RBFOX1: variants seen among roughly 807,000 people sequenced by gnomAD.
The protein encoded by RBFOX1 is RNA binding protein fox-1 homolog 1.
A neutral mutation model predicts 57.7 loss-of-function variants in RBFOX1; 8 were observed. That is an observed-to-expected ratio of 0.14 (90% CI 0.08 to 0.25). RBFOX1 has a LOEUF of 0.25. Among genes scored for constraint, RBFOX1 ranks in the 10% least tolerant of loss-of-function variants. The pLI is 1.00. For synonymous variants in RBFOX1, 326 were observed against 222.4 expected, an observed-to-expected ratio of 1.47 and a Z score of -4.15; for missense variants, 611 against 548.5, an observed-to-expected ratio of 1.11 and a Z score of -1.14.
intron 1 of RBFOX1, among the ~76,000 whole-genome samples, chr16:6,220,252 A>C: frequency 6.6e-6 from 1 of 152,178 alleles, no homozygotes; most frequent in East Asian, 1.9e-4. Flanking sequence ...TCTCCATACA[A>C]ACAGACACAC....
chr16:6,138,541 A>G (rs977189687), intron 1 of RBFOX1, among the ~76,000 whole-genome samples: 1 of 152,136 alleles, frequency 6.6e-6, no homozygotes, highest in Non-Finnish European at 1.5e-5. Context: ...GACCAGGGCA[A>G]ATCTGCTGGG....
chr16:7,201,597 G>A (rs935167634), intron 4 of RBFOX1, among the ~76,000 whole-genome samples: 2 of 151,992 alleles, frequency 1.3e-5, no homozygotes, highest in Non-Finnish European at 2.9e-5. Context: ...CAAGTGGCTG[G>A]GATTACAGGT....
intron 4 of RBFOX1, among the ~76,000 whole-genome samples, chr16:5,973,969 T>C (rs1203974870): frequency 6.6e-6 from 1 of 152,228 alleles, no homozygotes; most frequent in African/African-American, 2.4e-5. Context: ...ACCTGCTGAC[T>C]GTGAAGCCTT....
At chr16:6,145,752 A>C (rs1369762225) in intron 1 of RBFOX1, among the ~76,000 whole-genome samples, 1 of 152,230 alleles carries the variant, frequency 6.6e-6, no homozygotes, top group East Asian at 1.9e-4. Context: ...AAAAGCCAGT[A>C]GTATATTTAA....
chr16:7,157,669 C>G lies in RBFOX1; in HGVS notation c.27+105571C>G, dbSNP rs57219229. On this transcript the variant is annotated intron_variant, in intron 4 of 15. Transcript: ENST00000550418. ...TAAGGTGGTGGAAATGACAGTATCT[C>G]TACACGCCATAGCCACTCTACATGC... Among the ~76,000 whole-genome samples, 1,402 of 152,246 alleles carry G rather than the reference C, an allele frequency of 9.2e-3. 36 individuals are homozygous for G. The highest frequency in any genetic ancestry group is 0.031 in the African/African-American group (1,298 of 41,548).
At chr16:7,650,536 T>A (rs1353409612) in intron 11 of RBFOX1, among the ~76,000 whole-genome samples, 2 of 151,984 alleles carry the variant, frequency 1.3e-5, no homozygotes, top group Non-Finnish European at 2.9e-5. Context: ...AATGGAATCC[T>A]GGCTCCACGC....
chr16:5,676,606 A>T (rs147546069), intron 3 of RBFOX1, among the ~76,000 whole-genome samples: 5 of 152,316 alleles, frequency 3.3e-5, no homozygotes, highest in African/African-American at 1.2e-4. Flanking sequence ...CATACCTGTA[A>T]TCCCAGCACT....
intron 4 of RBFOX1, among the ~76,000 whole-genome samples, chr16:5,983,088 T>C (rs113722686): frequency 5.3e-5 from 8 of 152,302 alleles, no homozygotes; most frequent in African/African-American, 1.9e-4. Flanking sequence ...TGAGTGCGAC[T>C]TCACTTCTCA....
chr16:6,241,693 T>G (rs1422574501), intron 1 of RBFOX1, among the ~76,000 whole-genome samples: 1 of 152,104 alleles, frequency 6.6e-6, no homozygotes, highest in Non-Finnish European at 1.5e-5. Context: ...ACTGAGGAAA[T>G]AAATCAAATG....
chr16:6,399,431 A>T (rs1393777969), intron 2 of RBFOX1, among the ~76,000 whole-genome samples: 1 of 152,176 alleles, frequency 6.6e-6, no homozygotes, highest in African/African-American at 2.4e-5. Flanking sequence ...CAGGAGCAAA[A>T]TGCCACCAGA....
intron 1 of RBFOX1, among the ~76,000 whole-genome samples, chr16:6,118,664 C>G (rs1459939350): frequency 1.3e-5 from 2 of 150,444 alleles, no homozygotes; most frequent in African/African-American, 4.9e-5. Flanking sequence ...CCCTCTCCTT[C>G]CTTCCTTCCT....
At chr16:7,165,116 C>T (rs969231968) in intron 4 of RBFOX1, among the ~76,000 whole-genome samples, 4 of 152,274 alleles carry the variant, frequency 2.6e-5, no homozygotes, top group Admixed American at 2.0e-4. Context: ...TGTCAGTAGT[C>T]ATCCATTTTC....
intron 3 of RBFOX1, among the ~76,000 whole-genome samples, chr16:6,805,334 G>C (rs768749480): frequency 6.6e-6 from 1 of 152,180 alleles, no homozygotes; most frequent in Admixed American, 6.5e-5. Context: ...TGGGAATTCA[G>C]TGATTTGAAC....
chr16:6,420,483 G>A (rs577831683), intron 2 of RBFOX1, among the ~76,000 whole-genome samples: 2 of 152,030 alleles, frequency 1.3e-5, no homozygotes, highest in South Asian at 4.1e-4. Context: ...AGAAAATGTA[G>A]TCTTTTGAAG....
intron 4 of RBFOX1, among the ~76,000 whole-genome samples, chr16:7,052,754 G>A (rs1018694348): frequency 5.3e-5 from 8 of 152,130 alleles, no homozygotes; most frequent in African/African-American, 1.9e-4. Flanking sequence ...TGTCAGAGTG[G>A]ACATTCTTCT....
intron 3 of RBFOX1, among the ~76,000 whole-genome samples, chr16:6,891,660 C>G (rs1440427558): frequency 3.9e-5 from 6 of 152,200 alleles, no homozygotes; most frequent in Admixed American, 6.5e-5. Context: ...CAAGTTTCAA[C>G]AAATTGTTAA....
intron 1 of RBFOX1, among the ~76,000 whole-genome samples, chr16:6,150,985 C>T (rs2096793614): frequency 6.6e-6 from 1 of 152,192 alleles, no homozygotes; most frequent in African/African-American, 2.4e-5. Context: ...GATGTTCCTG[C>T]TGTTCTCCAG....
intron 2 of RBFOX1, among the ~76,000 whole-genome samples, chr16:6,425,329 T>C (rs1230753234): frequency 6.6e-6 from 1 of 152,198 alleles, no homozygotes; most frequent in East Asian, 1.9e-4. Flanking sequence ...AGGAATACTC[T>C]AAAATCATTG....
intron 1 of RBFOX1, among the ~76,000 whole-genome samples, chr16:5,322,100 C>G (rs2064426996): frequency 1.3e-5 from 2 of 152,184 alleles, no homozygotes; most frequent in Admixed American, 1.3e-4. Context: ...GACCTGAACC[C>G]TGACGCATCT....
Sources: allele counts gnomAD v4.1 joint callset (sites outside exome capture counted in the v4.1 genomes callset), GRCh38; gene constraint gnomAD v4.1.1; transcripts MANE v1.5; gene names NCBI Gene and HGNC (gene_info 2026-07-23, HGNC 2026-07-21).